Variants in FRMPD4 observed in about 807,000 individuals in gnomAD.
The protein encoded by FRMPD4 is FERM and PDZ domain-containing protein 4.
Under a neutral mutation model 94.1 loss-of-function variants are expected in FRMPD4, and 22 were observed. That is an observed-to-expected ratio of 0.23 (90% CI 0.17 to 0.33). FRMPD4 has a LOEUF of 0.33. FRMPD4 is among the 10% of genes least tolerant of loss of function. The probability of loss-of-function intolerance (pLI) is 1.00; values close to 1 mark genes in which losing one functional copy is unlikely to be tolerated. For missense variants in FRMPD4, 1,111 were observed against 1,339.9 expected (o/e 0.83, Z 2.67); for synonymous variants, 631 against 548.6 (o/e 1.15, Z -2.10).
At chrX:12,180,992 G>A (rs1162135558) in intron 1 of FRMPD4, among the ~76,000 whole-genome samples, 4 of 111,846 alleles carry the variant, frequency 3.6e-5, no homozygotes, top group African/African-American at 1.3e-4. Flanking sequence ...GTTGCCTTAG[G>A]GTAATGCCAT....
intron 1 of FRMPD4, among the ~76,000 whole-genome samples, chrX:11,863,342 G>A (rs2053699479): frequency 9.0e-6 from 1 of 110,710 alleles, no homozygotes; most frequent in Non-Finnish European, 1.9e-5. Context: ...CCCTACAAAG[G>A]ACATGAACTC....
intron 1 of FRMPD4, among the ~76,000 whole-genome samples, chrX:12,203,877 A>G (rs1286493113): frequency 1.8e-5 from 2 of 112,282 alleles, no homozygotes; most frequent in Non-Finnish European, 3.8e-5. Context: ...CACTGACAAC[A>G]CTGTTTCCTG....
At chrX:12,591,143 C>G (rs1209397750) in intron 2 of FRMPD4, among the ~76,000 whole-genome samples, 2 of 111,570 alleles carry the variant, frequency 1.8e-5, no homozygotes, top group Non-Finnish European at 3.8e-5. Flanking sequence ...TACTGTTGAC[C>G]AGAAGCCTCA....
intron 1 of FRMPD4, among the ~76,000 whole-genome samples, chrX:11,844,637 G>A (rs889155200): frequency 4.5e-5 from 5 of 111,436 alleles, no homozygotes; most frequent in African/African-American, 1.6e-4. Flanking sequence ...GTAGTGGTTA[G>A]GTTTTCTTTT....
chrX:12,238,324 G>A (rs1281617178), intron 1 of FRMPD4, among the ~76,000 whole-genome samples: 3 of 110,241 alleles, frequency 2.7e-5, no homozygotes, highest in Non-Finnish European at 5.7e-5. Context: ...GGGTTTCTCC[G>A]TGTTGGTCAG....
chrX:12,716,526 C>T lies in FRMPD4; in HGVS notation c.2067C>T (p.Tyr689=). 2 of 1,209,001 alleles carry T rather than the reference C, an allele frequency of 1.7e-6. No homozygotes were observed. Among genetic ancestry groups the T allele is most frequent in the Non-Finnish European group, 2.2e-6 (2 of 893,211 alleles). ...PEMLEKQRNL[Y]IGSANDMKGL... ...TGCTGGAGAAGCAGAGAAATCTCTA[C>T]ATTGGCAGTGCCAATGACATGAAGG... Residue 689 remains tyrosine (Y), a synonymous_variant, in exon 15 of 17, where the codon TAC becomes TAT. Coordinates refer to ENST00000675598, the MANE Select transcript of FRMPD4 (RefSeq NM_001368397.1).
intron 1 of FRMPD4, among the ~76,000 whole-genome samples, chrX:12,213,984 G>T (rs12392597): frequency 0.079 from 8,777 of 111,581 alleles, 810 homozygotes; most frequent in African/African-American, 0.27. Flanking sequence ...AAGTGGAGTT[G>T]GAAATATTTC....
chrX:12,563,304 C>T (rs1308970207), intron 2 of FRMPD4, among the ~76,000 whole-genome samples: 1 of 109,320 alleles, frequency 9.1e-6, no homozygotes, highest in African/African-American at 3.4e-5. Flanking sequence ...AGACAGACTG[C>T]TCACAGAGCT....
Position 12,693,733 on chromosome X carries a change from A to G in FRMPD4, c.814-602A>G, listed in dbSNP as rs780389722. On this transcript the variant is annotated intron_variant, in intron 8 of 16. Coordinates refer to ENST00000675598, the MANE Select transcript of FRMPD4 (RefSeq NM_001368397.1). ...CAGCAATGTTATGCAATAATAAACCATACTGGACAATCTCTCTGCTGTCTC... is the reference window on the plus strand; with the variant it reads ...CAGCAATGTTATGCAATAATAAACCGTACTGGACAATCTCTCTGCTGTCTC... Among the ~76,000 whole-genome samples the G allele has an allele frequency of 1.7e-4, 19 of 112,266 alleles. No individual in the cohort carries two copies. The East Asian group carries it at 5.3e-3, about 31-fold the overall frequency.
intron 2 of FRMPD4, among the ~76,000 whole-genome samples, chrX:12,547,895 G>T (rs2058495081): frequency 8.9e-6 from 1 of 111,742 alleles, no homozygotes; most frequent in Non-Finnish European, 1.9e-5. Context: ...TCTAAGATCG[G>T]GAGTTCTAAC....
At chrX:12,526,805 C>T (rs1286611995) in intron 2 of FRMPD4, among the ~76,000 whole-genome samples, 1 of 112,009 alleles carries the variant, frequency 8.9e-6, no homozygotes, top group Non-Finnish European at 1.9e-5. Context: ...TTTTACTAAG[C>T]CAAAACTATT....
intron 2 of FRMPD4, among the ~76,000 whole-genome samples, chrX:12,527,671 A>G (rs2058239907): frequency 9.0e-6 from 1 of 111,152 alleles, no homozygotes; most frequent in Non-Finnish European, 1.9e-5. Flanking sequence ...TGTAGACAAA[A>G]GTGTAATCTA....
chrX:12,071,439 C>T (rs2147471828), intron 3 of FRMPD4, among the ~76,000 whole-genome samples: 1 of 111,898 alleles, frequency 8.9e-6, no homozygotes, highest in South Asian at 3.7e-4. Context: ...CTTTATAAGG[C>T]ATTTTATTTT....
chrX:12,127,101 C>T (rs764021045), intron 3 of FRMPD4, among the ~76,000 whole-genome samples: 4 of 112,050 alleles, frequency 3.6e-5, no homozygotes, highest in Non-Finnish European at 5.6e-5. Context: ...GAATGCACTC[C>T]AATTGAAATA....
At chrX:12,695,177 TATG>T (rs1432291359) in intron 9 of FRMPD4, among the ~76,000 whole-genome samples, 1 of 111,446 alleles carries the variant, frequency 9.0e-6, no homozygotes, top group East Asian at 2.8e-4. Flanking sequence ...GATGTTTTCT[TATG>T]ATTAGATTGA....
intron 1 of FRMPD4, among the ~76,000 whole-genome samples, chrX:12,437,213 A>G (rs1327128710): frequency 1.8e-5 from 2 of 110,851 alleles, no homozygotes; most frequent in Non-Finnish European, 3.8e-5. Flanking sequence ...GTTAATTAGT[A>G]GTTGCCCTCC....
intron 3 of FRMPD4, among the ~76,000 whole-genome samples, chrX:12,019,218 A>C (rs2054620088): frequency 9.2e-6 from 1 of 108,390 alleles, no homozygotes; most frequent in East Asian, 2.9e-4. Context: ...TTTGGGGCCA[A>C]TATCAAATAC....
At chrX:11,967,475 T>C (rs1477115731) in intron 3 of FRMPD4, among the ~76,000 whole-genome samples, 1 of 112,536 alleles carries the variant, frequency 8.9e-6, no homozygotes, top group African/African-American at 3.2e-5. Flanking sequence ...GTGCTTTTCA[T>C]GTCATTGAGT....
chrX:12,583,185 A>T (rs948346817), intron 2 of FRMPD4, among the ~76,000 whole-genome samples: 1 of 113,034 alleles, frequency 8.8e-6, no homozygotes, highest in Non-Finnish European at 1.9e-5. Flanking sequence ...TCATCTGTCA[A>T]GAGTTTGCAT....
Sources: gnomAD v4.1 joint callset for allele counts (sites outside exome capture counted in the v4.1 genomes callset) on GRCh38, gnomAD v4.1.1 for gene constraint, MANE v1.5 for transcripts, NCBI Gene and HGNC (gene_info 2026-07-23, HGNC 2026-07-21) for gene names.